Variants in EPM2A observed in about 807,000 individuals in gnomAD.
The protein encoded by EPM2A is laforin.
Under a neutral mutation model 26.5 loss-of-function variants are expected in EPM2A, and 21 were observed. The observed-to-expected ratio is 0.79, with a 90% confidence interval of 0.56 to 1.14. EPM2A has a LOEUF of 1.14. Ranked by LOEUF, EPM2A falls within the 50% of genes most tolerant of loss-of-function variation. EPM2A has a pLI of 0.00. For missense variants in EPM2A, 458 were observed against 440.8 expected (o/e 1.04, Z -0.35); for synonymous variants, 217 against 177.6 (o/e 1.22, Z -1.76).
intron 2 of EPM2A, among the ~76,000 whole-genome samples, chr6:145,592,161 TC>T (rs1232204793): frequency 8.8e-5 from 5 of 56,638 alleles, no homozygotes; most frequent in Non-Finnish European, 1.6e-4. Flanking sequence ...CCCTCCCCCC[TC>T]CCCCCACCCC....
chr6:145,680,312 A>G (rs1400716504), intron 2 of EPM2A, among the ~76,000 whole-genome samples: 1 of 151,170 alleles, frequency 6.6e-6, no homozygotes, highest in Non-Finnish European at 1.5e-5. Flanking sequence ...CTCTAGATAA[A>G]TCATAACATG....
chr6:145,630,164 A>G (rs1776141419), intron 3 of EPM2A: 1 of 152,258 alleles, frequency 6.6e-6, no homozygotes, highest in Non-Finnish European at 1.5e-5. Context: ...CCTGAAAGGT[A>G]CATGTCAGCT....
At chr6:145,711,442 T>C (rs1260794465) in intron 1 of EPM2A, among the ~76,000 whole-genome samples, 2 of 152,120 alleles carry the variant, frequency 1.3e-5, no homozygotes, top group Non-Finnish European at 2.9e-5. Flanking sequence ...GAGGTTTGAA[T>C]ATATTGAATT....
downstream of EPM2A, among the ~76,000 whole-genome samples, chr6:145,498,540 C>T (rs1255116130): frequency 3.3e-5 from 5 of 152,168 alleles, no homozygotes; most frequent in South Asian, 2.1e-4. Context: ...TCTCCTGACA[C>T]GAGAGTTTCA....
intron 3 of EPM2A, among the ~76,000 whole-genome samples, chr6:145,634,091 A>G (rs1776466519): frequency 6.6e-6 from 1 of 152,202 alleles, no homozygotes; most frequent in African/African-American, 2.4e-5. Flanking sequence ...GGCTAAAGAT[A>G]GAAACGTCTC....
chr6:145,673,642 G>A (rs1032722817), intron 2 of EPM2A, among the ~76,000 whole-genome samples: 14 of 152,126 alleles, frequency 9.2e-5, no homozygotes, highest in Non-Finnish European at 1.9e-4. Flanking sequence ...CTAGCTCGGC[G>A]GGTCCCATGC....
chr6:145,692,456 A>G (rs9497395), intron 1 of EPM2A, among the ~76,000 whole-genome samples: 82,312 of 151,872 alleles, frequency 0.54, 22,834 homozygotes, highest in East Asian at 0.7. Flanking sequence ...CCTGTACCAT[A>G]AAACAACTTC....
intron 1 of EPM2A, chr6:145,721,237 A>T (rs1775932524): frequency 6.6e-6 from 1 of 152,178 alleles, no homozygotes; most frequent in African/African-American, 2.4e-5. Context: ...AAAACGCTAC[A>T]TTCATGTGGC....
At chr6:145,631,240 C>T (rs1776229217) in intron 3 of EPM2A, 1 of 152,046 alleles carries the variant, frequency 6.6e-6, no homozygotes, top group Non-Finnish European at 1.5e-5. Flanking sequence ...CAGGAAGGTT[C>T]ATCTTGATGT....
At chr6:145,675,412 CA>C (rs1779959617) in intron 2 of EPM2A, among the ~76,000 whole-genome samples, 1 of 152,154 alleles carries the variant, frequency 6.6e-6, no homozygotes. Flanking sequence ...ATCATAATGA[CA>C]GGATCAAATT....
chr6:145,444,302 A>T (rs1779104255), intron 4 of EPM2A, among the ~76,000 whole-genome samples: 1 of 152,200 alleles, frequency 6.6e-6, no homozygotes, highest in African/African-American at 2.4e-5. Context: ...GAGGATTTTC[A>T]ATGTAAAGGA....
At chr6:145,504,012 A>G (rs1481322712) in intron 2 of EPM2A, among the ~76,000 whole-genome samples, 1 of 116,944 alleles carries the variant, frequency 8.6e-6, no homozygotes, top group Admixed American at 9.2e-5. Context: ...CCTATTTAAT[A>G]AATGGTGCTG....
chr6:145,665,713 A>T (rs1404145495), intron 2 of EPM2A, among the ~76,000 whole-genome samples: 2 of 133,310 alleles, frequency 1.5e-5, no homozygotes, highest in African/African-American at 2.9e-5. Flanking sequence ...CACAACCAAA[A>T]AAGAGAATTT....
chr6:145,438,029 T>A (rs1025633525), intron 4 of EPM2A, among the ~76,000 whole-genome samples: 2 of 152,186 alleles, frequency 1.3e-5, no homozygotes, highest in African/African-American at 4.8e-5. Flanking sequence ...CATGAGGCAA[T>A]CCATGGTATC....
At chr6:145,462,233 A>G (rs1779335918) in intron 4 of EPM2A, among the ~76,000 whole-genome samples, 3 of 152,208 alleles carry the variant, frequency 2.0e-5, no homozygotes, top group African/African-American at 4.8e-5. Context: ...AGTGTCAGAT[A>G]GAAGAAAGGA....
At chr6:145,385,679 A>G (rs1309556020) in intron 4 of EPM2A, among the ~76,000 whole-genome samples, 2 of 152,176 alleles carry the variant, frequency 1.3e-5, no homozygotes, top group African/African-American at 4.8e-5. Flanking sequence ...TTCTGTACAC[A>G]GACTTTCCAG....
At chr6:145,420,399 A>G (rs906074338) in intron 4 of EPM2A, among the ~76,000 whole-genome samples, 24 of 152,124 alleles carry the variant, frequency 1.6e-4, no homozygotes, top group Admixed American at 1.6e-3. Flanking sequence ...CTGCATCAAT[A>G]ATTTCAGTGG....
rs113987171 is a variant in EPM2A, at chr6:145,627,809, C to T, written c.719-116G>A. On this transcript the variant is annotated intron_variant, in intron 3 of 3. Coordinates refer to ENST00000367519, the MANE Select transcript of EPM2A (RefSeq NM_005670.4). ...GGCTGCACAGGGCCAGGCAGGGATA[C>T]GAGAGTTTGCTTTCTTTCTGCATTG... is the stretch of plus-strand genomic sequence containing the variant. 252 of 1,425,620 alleles carry T rather than the reference C, an allele frequency of 1.8e-4. 1 individual carries two copies. Among genetic ancestry groups the T allele is most frequent in the African/African-American group, 1.1e-3 (78 of 70,410 alleles). The allele number at this position is 1,425,620 out of a possible 1,614,324, so 88.3% of individuals were successfully genotyped here.
At chr6:145,517,443 C>A (rs1008202271) in intron 2 of EPM2A, among the ~76,000 whole-genome samples, 2 of 152,110 alleles carry the variant, frequency 1.3e-5, no homozygotes, top group Non-Finnish European at 2.9e-5. Context: ...CCTAAGGTAG[C>A]CCCATGCTTG....
Sources: gnomAD v4.1 joint callset for allele counts (sites outside exome capture counted in the v4.1 genomes callset) on GRCh38, gnomAD v4.1.1 for gene constraint, MANE v1.5 for transcripts, NCBI Gene and HGNC (gene_info 2026-07-23, HGNC 2026-07-21) for gene names.